The following WDFY3 variants were observed in gnomAD, a reference collection of about 807,000 sequenced individuals.
WDFY3 encodes the protein WD repeat and FYVE domain-containing protein 3.
In WDFY3, 66 loss-of-function variants were observed where a neutral mutation model predicts 409.6. That is an observed-to-expected ratio of 0.16 (90% CI 0.13 to 0.20). The LOEUF (loss-of-function observed/expected upper bound fraction) is 0.20. WDFY3 is among the 10% of genes least tolerant of loss of function. The probability of loss-of-function intolerance (pLI) is 1.00; values close to 1 mark genes in which losing one functional copy is unlikely to be tolerated. For synonymous variants in WDFY3, 1,521 were observed against 1,537.1 expected, an observed-to-expected ratio of 0.99 and a Z score of 0.25; for missense variants, 3,031 against 4,298.1, an observed-to-expected ratio of 0.71 and a Z score of 8.24.
intron 1 of WDFY3, among the ~76,000 whole-genome samples, chr4:84,935,155 T>G (rs1296677411): frequency 6.6e-6 from 1 of 152,188 alleles, no homozygotes. Flanking sequence ...AAGTTTTGTT[T>G]TGCTATTATG....
At chr4:84,920,456 G>A (rs1426328346) in intron 2 of WDFY3, among the ~76,000 whole-genome samples, 1 of 152,158 alleles carries the variant, frequency 6.6e-6, no homozygotes, top group East Asian at 1.9e-4. Flanking sequence ...ATGCATGCAT[G>A]TATGTTTACA....
intron 8 of WDFY3, 24 bp from the exon 9 acceptor site, chr4:84,829,214 A>C (rs1470905897): frequency 6.7e-7 from 1 of 1,503,690 alleles, no homozygotes; most frequent in Non-Finnish European, 8.9e-7. Context: ...TAATTAAATA[A>C]ATATGCATTA....
intron 63 of WDFY3, chr4:84,682,697 T>C (rs944044021): frequency 2.5e-5 from 12 of 486,398 alleles, no homozygotes; most frequent in African/African-American, 3.9e-5. Context: ...TTTAAAAACA[T>C]GGTTCAGGCC....
At chr4:84,808,676 A>G (rs377696948) in intron 14 of WDFY3, among the ~76,000 whole-genome samples, 1 of 152,228 alleles carries the variant, frequency 6.6e-6, no homozygotes, top group Non-Finnish European at 1.5e-5. Context: ...TATTTTTGAC[A>G]GTGACTAAAA....
chr4:84,766,845 G>A (rs1488325675), intron 30 of WDFY3, among the ~76,000 whole-genome samples: 1 of 152,182 alleles, frequency 6.6e-6, no homozygotes, highest in Non-Finnish European at 1.5e-5. Flanking sequence ...TAGCACAGAA[G>A]AAAGGCAAAG....
At chr4:84,848,723 G>T (rs144635157) in intron 5 of WDFY3, among the ~76,000 whole-genome samples, 2 of 152,268 alleles carry the variant, frequency 1.3e-5, no homozygotes, top group African/African-American at 4.8e-5. Flanking sequence ...ATGGGGGATG[G>T]AGAGGAGGAG....
At chr4:84,847,576 C>G (rs372970826) in intron 5 of WDFY3, among the ~76,000 whole-genome samples, 1 of 143,314 alleles carries the variant, frequency 7.0e-6, no homozygotes, top group African/African-American at 2.6e-5. Context: ...ACCATCCTGG[C>G]TAACACAGTG....
intron 30 of WDFY3, among the ~76,000 whole-genome samples, chr4:84,771,024 T>C (rs185826492): frequency 3.3e-5 from 5 of 152,358 alleles, no homozygotes; most frequent in African/African-American, 9.6e-5. Flanking sequence ...TACTAATTTA[T>C]ACATCCCTAC....
chr4:84,890,240 CA>C (rs1764759580), intron 3 of WDFY3, among the ~76,000 whole-genome samples: 1 of 152,134 alleles, frequency 6.6e-6, no homozygotes, highest in African/African-American at 2.4e-5. Flanking sequence ...GCTGGTACTA[CA>C]GGTACACATC....
At chr4:84,801,921 A>G in intron 16 of WDFY3, 57 bp from the exon 17 acceptor site, 2 of 1,537,658 alleles carry the variant, frequency 1.3e-6, no homozygotes, top group Non-Finnish European at 1.8e-6. Flanking sequence ...AAAGATGACA[A>G]TTCTTTTCAC....
At chr4:84,775,448 T>G (rs1278401061) in intron 27 of WDFY3, among the ~76,000 whole-genome samples, 1 of 151,758 alleles carries the variant, frequency 6.6e-6, no homozygotes, top group Non-Finnish European at 1.5e-5. Flanking sequence ...AATGAACCTC[T>G]AGACATGACA....
chr4:84,686,203 G>A (rs1375407082), intron 62 of WDFY3, among the ~76,000 whole-genome samples: 1 of 152,296 alleles, frequency 6.6e-6, no homozygotes, highest in East Asian at 1.9e-4. Flanking sequence ...CTACTCAGGA[G>A]GCTGAGGCCG....
chr4:84,797,721 CA>C, intron 18 of WDFY3, among the ~76,000 whole-genome samples: 1 of 151,982 alleles, frequency 6.6e-6, no homozygotes, highest in Non-Finnish European at 1.5e-5. Context: ...GCTGGGACTA[CA>C]GGCGCCTGCC....
chr4:84,850,125 A>G, intron 4 of WDFY3, 100 bp from the exon 5 acceptor site: 1 of 1,313,430 alleles, frequency 7.6e-7, no homozygotes, highest in Non-Finnish European at 1.0e-6. Flanking sequence ...CAAGTCCAGA[A>G]AAGTCTACCT....
At chr4:84,742,115 G>A (rs985695935) in intron 37 of WDFY3, among the ~76,000 whole-genome samples, 194 bp from the exon 38 acceptor site, 5 of 152,218 alleles carry the variant, frequency 3.3e-5, no homozygotes, top group Non-Finnish European at 7.3e-5. Flanking sequence ...ATTTCAGCAG[G>A]ATAAAGCGTT....
At chr4:84,762,990 C>T (rs1742956494) in intron 32 of WDFY3, among the ~76,000 whole-genome samples, 1 of 151,772 alleles carries the variant, frequency 6.6e-6, no homozygotes, top group South Asian at 2.1e-4. Context: ...AACCAAAAGA[C>T]ATCAAGTGGT....
intron 2 of WDFY3, among the ~76,000 whole-genome samples, chr4:84,898,073 A>G (rs1434563419): frequency 6.6e-6 from 1 of 152,186 alleles, no homozygotes; most frequent in East Asian, 1.9e-4. Flanking sequence ...CACTACCTAC[A>G]TGTGGCTATT....
At chr4:84,958,736 A>G (rs1422350979) in intron 1 of WDFY3, among the ~76,000 whole-genome samples, 1 of 152,226 alleles carries the variant, frequency 6.6e-6, no homozygotes, top group Non-Finnish European at 1.5e-5. Flanking sequence ...TGACACCTCC[A>G]TCACCTTGAC....
chr4:84,686,171 T>C (rs1236278649), intron 62 of WDFY3, among the ~76,000 whole-genome samples: 4 of 152,138 alleles, frequency 2.6e-5, no homozygotes, highest in Admixed American at 1.3e-4. Flanking sequence ...CTGGGCGCGG[T>C]GGTGGGCACC....
Sources: gnomAD v4.1 joint callset for allele counts (sites outside exome capture counted in the v4.1 genomes callset) on GRCh38, gnomAD v4.1.1 for gene constraint, MANE v1.5 for transcripts, NCBI Gene and HGNC (gene_info 2026-07-23, HGNC 2026-07-21) for gene names.